AGBL1: variants seen among roughly 807,000 people sequenced by gnomAD.
AGBL1 encodes cytosolic carboxypeptidase 4.
AGBL1 carries 130 observed loss-of-function variants against 118.9 expected under a neutral mutation model. The observed-to-expected ratio is 1.09, with a 90% CI of 0.95 to 1.26. The LOEUF is 1.26. AGBL1 is among the 50% of genes most tolerant of loss of function. The pLI, the probability that AGBL1 is intolerant of heterozygous loss-of-function variation, is 0.00. For synonymous variants in AGBL1, 555 were observed against 478.9 expected, an observed-to-expected ratio of 1.16 and a Z score of -2.08; for missense variants, 1,584 against 1,298.1, an observed-to-expected ratio of 1.22 and a Z score of -3.38.
intron 22 of AGBL1, among the ~76,000 whole-genome samples, chr15:86,867,506 T>G (rs948226175): frequency 6.6e-6 from 1 of 152,174 alleles, no homozygotes; most frequent in African/African-American, 2.4e-5. Flanking sequence ...AGCATTAAAT[T>G]ACACTGGACG....
intron 21 of AGBL1, among the ~76,000 whole-genome samples, chr15:86,673,107 T>G (rs2085775584): frequency 6.6e-6 from 1 of 152,188 alleles, no homozygotes; most frequent in Admixed American, 6.5e-5. Context: ...TATTTTTTAT[T>G]TAGGTCAAAT....
chr15:86,240,777 G>A (rs2078629117), intron 6 of AGBL1, among the ~76,000 whole-genome samples: 1 of 151,832 alleles, frequency 6.6e-6, no homozygotes, highest in Admixed American at 6.5e-5. Flanking sequence ...GGCAACAATT[G>A]TTTGGGGTAG....
At chr15:86,202,536 G>A (rs1281005614) in intron 5 of AGBL1, among the ~76,000 whole-genome samples, 4 of 152,194 alleles carry the variant, frequency 2.6e-5, no homozygotes, top group African/African-American at 9.7e-5. Context: ...TGAAATGAGT[G>A]AATAAGGACC....
intron 21 of AGBL1, among the ~76,000 whole-genome samples, chr15:86,624,672 A>G (rs2084857886): frequency 6.6e-6 from 1 of 152,176 alleles, no homozygotes. Context: ...AACTCAGGAG[A>G]GCACCCTTTC....
intron 18 of AGBL1, among the ~76,000 whole-genome samples, chr15:86,514,513 A>T (rs2083094171): frequency 6.6e-6 from 1 of 152,176 alleles, no homozygotes; most frequent in South Asian, 2.1e-4. Context: ...GTCACTTGTG[A>T]CAGAGTTTAT....
intron 17 of AGBL1, among the ~76,000 whole-genome samples, chr15:86,383,152 G>C (rs1320423852): frequency 7.0e-6 from 1 of 143,318 alleles, no homozygotes. Flanking sequence ...CTGTCTAGAT[G>C]TCAGCTGTCT....
chr15:86,799,745 T>G (rs2078623954), intron 22 of AGBL1, among the ~76,000 whole-genome samples: 1 of 152,088 alleles, frequency 6.6e-6, no homozygotes, highest in South Asian at 2.1e-4. Flanking sequence ...CACAAGCCAT[T>G]TTGAAATTGT....
chr15:86,748,510 CTTTTTTTTTTTTTTTTTTTTTTTT>C (rs752203969), intron 22 of AGBL1, among the ~76,000 whole-genome samples: 3 of 9,754 alleles, frequency 3.1e-4, no homozygotes, highest in Non-Finnish European at 5.3e-4. Flanking sequence ...TCAATTTTGG[CTTTTTTTTTTTTTTTTTTTTTTTT>C]TTTTTTTTTT....
intron 19 of AGBL1, among the ~76,000 whole-genome samples, chr15:86,531,957 A>G (rs2083354849): frequency 6.6e-6 from 1 of 151,620 alleles, no homozygotes; most frequent in Admixed American, 6.6e-5. Flanking sequence ...GATGGGACGT[A>G]TTTCAAAATA....
At chr15:86,591,941 TC>T (rs2084342974) in intron 21 of AGBL1, among the ~76,000 whole-genome samples, 1 of 152,128 alleles carries the variant, frequency 6.6e-6, no homozygotes, top group Non-Finnish European at 1.5e-5. Flanking sequence ...ATACAAAACA[TC>T]ACTGTGGAGA....
intron 5 of AGBL1, 147 bp downstream of exon 5, chr15:86,159,173 A>T (rs1255532434): frequency 1.4e-6 from 1 of 719,112 alleles, no homozygotes; most frequent in Non-Finnish European, 2.4e-6. Flanking sequence ...ATCCTTTCTC[A>T]GTTTACATCC....
intron 11 of AGBL1, among the ~76,000 whole-genome samples, chr15:86,265,532 A>G: frequency 6.6e-6 from 1 of 152,244 alleles, no homozygotes; most frequent in Non-Finnish European, 1.5e-5. Context: ...TCAATGGAGC[A>G]AAGTGGGCAG....
At chr15:86,209,705 T>C (rs1208675094) in intron 5 of AGBL1, among the ~76,000 whole-genome samples, 1 of 152,208 alleles carries the variant, frequency 6.6e-6, no homozygotes, top group East Asian at 1.9e-4. Flanking sequence ...AGCCTGTGTG[T>C]GTCTCTGCAT....
At chr15:86,968,508 C>G (rs1031527254) in intron 23 of AGBL1, among the ~76,000 whole-genome samples, 5 of 151,880 alleles carry the variant, frequency 3.3e-5, no homozygotes, top group Non-Finnish European at 4.4e-5. Context: ...ACACAATGCT[C>G]TTTCAAAGTT....
chr15:86,778,780 C>T (rs1195939432), intron 22 of AGBL1, among the ~76,000 whole-genome samples: 3 of 152,186 alleles, frequency 2.0e-5, no homozygotes, highest in African/African-American at 2.4e-5. Flanking sequence ...AACATACATC[C>T]TCCTCAGTTT....
At chr15:86,719,196 A>G (rs1164311972) in intron 22 of AGBL1, among the ~76,000 whole-genome samples, 2 of 152,178 alleles carry the variant, frequency 1.3e-5, no homozygotes, top group East Asian at 3.9e-4. Context: ...AGAAATTGGG[A>G]TTCACTCACT....
intron 21 of AGBL1, among the ~76,000 whole-genome samples, chr15:86,659,121 G>A (rs895034885): frequency 6.6e-6 from 1 of 152,046 alleles, no homozygotes; most frequent in African/African-American, 2.4e-5. Context: ...CCTAAAAAGG[G>A]TCATTGAAGG....
rs72757816 is a variant in AGBL1 at position 86,470,640 on chromosome 15, A to T, written c.2556-52170A>T. ...AGATCACTTGTAGCATGGACATTTT[A>T]GCAATATTAACTTTTTCAATTCTTA... is the stretch of plus-strand genomic sequence containing the variant. On this transcript the variant is annotated intron_variant, in intron 18 of 22. Transcript: ENST00000614907. Among the ~76,000 whole-genome samples, 655 of 152,274 alleles carry T rather than the reference A, an allele frequency of 4.3e-3. 4 individuals are homozygous for T. The highest frequency in any genetic ancestry group is 7.2e-3 in the Non-Finnish European group (491 of 67,990).
At chr15:86,733,660 C>T (rs1045533619) in intron 22 of AGBL1, among the ~76,000 whole-genome samples, 1 of 152,086 alleles carries the variant, frequency 6.6e-6, no homozygotes, top group Admixed American at 6.5e-5. Flanking sequence ...ATGTAGAAGT[C>T]ATGGTACTAA....
Sources: allele counts gnomAD v4.1 joint callset (sites outside exome capture counted in the v4.1 genomes callset), GRCh38; gene constraint gnomAD v4.1.1; transcripts MANE v1.5; gene names NCBI Gene and HGNC (gene_info 2026-07-23, HGNC 2026-07-21).